Variants in GRID2 observed in about 807,000 individuals in gnomAD.
The protein encoded by GRID2 is glutamate ionotropic receptor delta type subunit 2, also known as glutamate receptor ionotropic, delta-2.
Under a neutral mutation model 114.8 loss-of-function variants are expected in GRID2, and 33 were observed. The observed-to-expected ratio is 0.29, with a 90% CI of 0.22 to 0.38. The LOEUF (loss-of-function observed/expected upper bound fraction) is 0.38, where lower values mean the gene tolerates loss of function less well. Ranked by LOEUF, GRID2 falls within the 10% of genes least tolerant of loss-of-function variation. The probability of loss-of-function intolerance (pLI) is 1.00; values close to 1 mark genes in which losing one functional copy is unlikely to be tolerated. For synonymous variants in GRID2, 505 were observed against 449.9 expected (o/e 1.12, Z -1.55); for missense variants, 1,184 against 1,257.7 (o/e 0.94, Z 0.89).
chr4:93,290,267 G>T (rs1393525152), intron 8 of GRID2, among the ~76,000 whole-genome samples: 1 of 152,170 alleles, frequency 6.6e-6, no homozygotes, highest in African/African-American at 2.4e-5. Flanking sequence ...CCATGTGATT[G>T]CTTATGAGTG....
At chr4:92,885,950 G>T (rs1746338030) in intron 2 of GRID2, among the ~76,000 whole-genome samples, 1 of 152,016 alleles carries the variant, frequency 6.6e-6, no homozygotes, top group African/African-American at 2.4e-5. Context: ...CTATTTCTTT[G>T]TTTTTTAAGA....
chr4:93,099,565 G>T (rs544622434), intron 3 of GRID2, among the ~76,000 whole-genome samples: 1 of 151,346 alleles, frequency 6.6e-6, no homozygotes, highest in Non-Finnish European at 1.5e-5. Context: ...CAGTATGCTG[G>T]GTAGATATGT....
chr4:92,844,529 ACT>A (rs1346594717), intron 2 of GRID2, among the ~76,000 whole-genome samples: 3 of 151,770 alleles, frequency 2.0e-5, no homozygotes, highest in African/African-American at 7.3e-5. Context: ...ACAGAGTGAG[ACT>A]CTGTCTCTAA....
intron 2 of GRID2, among the ~76,000 whole-genome samples, chr4:92,910,001 G>A (rs573297205): frequency 6.6e-6 from 1 of 152,144 alleles, no homozygotes; most frequent in Admixed American, 6.6e-5. Context: ...TGGTATTTTA[G>A]GAGAAACAGG....
At chr4:92,863,470 A>G (rs906972627) in intron 2 of GRID2, among the ~76,000 whole-genome samples, 2 of 152,164 alleles carry the variant, frequency 1.3e-5, no homozygotes, top group Admixed American at 6.6e-5. Context: ...GTGGATATCA[A>G]TAAATGACAA....
intron 1 of GRID2, among the ~76,000 whole-genome samples, chr4:92,531,652 T>C (rs932728340): frequency 6.6e-6 from 1 of 152,076 alleles, no homozygotes; most frequent in Non-Finnish European, 1.5e-5. Flanking sequence ...GGAATGATCA[T>C]GGAGAGAACA....
intron 10 of GRID2, among the ~76,000 whole-genome samples, chr4:93,446,915 A>T (rs1722146920): frequency 6.6e-6 from 1 of 151,590 alleles, no homozygotes; most frequent in Non-Finnish European, 1.5e-5. Flanking sequence ...TGTGTCCTAT[A>T]GACACTGAAG....
intron 2 of GRID2, among the ~76,000 whole-genome samples, chr4:92,943,381 G>A (rs1047868703): frequency 3.3e-5 from 5 of 152,040 alleles, no homozygotes; most frequent in African/African-American, 1.2e-4. Flanking sequence ...CGGCTACTGA[G>A]GCTTGTGCAT....
chr4:93,670,531 T>C (rs1391656345), intron 14 of GRID2, among the ~76,000 whole-genome samples: 1 of 152,196 alleles, frequency 6.6e-6, no homozygotes, highest in Non-Finnish European at 1.5e-5. Context: ...CAATGATTTA[T>C]CAAAACAAAA....
At chr4:93,121,364 A>T (rs1193704124) in intron 4 of GRID2, among the ~76,000 whole-genome samples, 1 of 152,178 alleles carries the variant, frequency 6.6e-6, no homozygotes, top group Non-Finnish European at 1.5e-5. Flanking sequence ...CTGACTTTTA[A>T]CACTATTCAA....
In GRID2 at chr4:92,912,509, A is replaced by T. The variant is rs144836761; in HGVS notation, c.245-172486A>T. Reference sequence around the variant, plus strand: ...TATGTACAGAAAAAAAATGTTTATCATTTAAAAGATACCTTATTCCATAAT... The same window carrying T: ...TATGTACAGAAAAAAAATGTTTATCTTTTAAAAGATACCTTATTCCATAAT... On this transcript the variant is annotated intron_variant, in intron 2 of 15. Transcript: ENST00000282020. Among the ~76,000 whole-genome samples, 595 of 151,972 alleles carry T rather than the reference A, an allele frequency of 3.9e-3. 8 individuals carry two copies. The highest frequency in any genetic ancestry group is 0.014 in the African/African-American group (572 of 41,542).
chr4:93,179,391 C>CAAGTGTCAT (rs1739671237), intron 4 of GRID2, among the ~76,000 whole-genome samples: 1 of 152,070 alleles, frequency 6.6e-6, no homozygotes, highest in Non-Finnish European at 1.5e-5. Flanking sequence ...ATGAAATGTA[C>CAAGTGTCAT]AAGTGTCATT....
chr4:92,511,016 A>G (rs1227665345), intron 1 of GRID2, among the ~76,000 whole-genome samples: 3 of 151,916 alleles, frequency 2.0e-5, no homozygotes, highest in South Asian at 4.1e-4. Context: ...TTGGCTTACC[A>G]TAAGATTTAT....
intron 5 of GRID2, among the ~76,000 whole-genome samples, chr4:93,208,780 AG>A (rs1743107563): frequency 6.6e-6 from 1 of 151,942 alleles, no homozygotes; most frequent in African/African-American, 2.4e-5. Context: ...AAAATAAGAT[AG>A]GTTTTTCTGA....
chr4:93,558,112 C>G (rs1734498044), intron 13 of GRID2, among the ~76,000 whole-genome samples: 1 of 152,104 alleles, frequency 6.6e-6, no homozygotes. Context: ...ATTTATAGCA[C>G]TAAATGCCCA....
chr4:92,328,650 G>T (rs938372114), intron 1 of GRID2, among the ~76,000 whole-genome samples: 3 of 151,714 alleles, frequency 2.0e-5, no homozygotes, highest in African/African-American at 7.3e-5. Flanking sequence ...TTTTATGCCC[G>T]TGATCACAAA....
intron 1 of GRID2, among the ~76,000 whole-genome samples, chr4:92,473,616 A>C (rs540448019): frequency 6.6e-6 from 1 of 152,042 alleles, no homozygotes; most frequent in African/African-American, 2.4e-5. Flanking sequence ...TCAGAATTTT[A>C]TCACTCAGAG....
intron 2 of GRID2, among the ~76,000 whole-genome samples, chr4:92,999,436 G>T (rs1346012031): frequency 6.6e-6 from 1 of 151,582 alleles, no homozygotes; most frequent in Non-Finnish European, 1.5e-5. Flanking sequence ...TGGGATAGTT[G>T]GTCACCCTCT....
At chr4:92,682,774 G>T (rs968266337) in intron 2 of GRID2, among the ~76,000 whole-genome samples, 1 of 151,800 alleles carries the variant, frequency 6.6e-6, no homozygotes, top group Non-Finnish European at 1.5e-5. Flanking sequence ...ATGGTGGAAT[G>T]AAAACTTGGA....
Sources: gnomAD v4.1 joint callset for allele counts (sites outside exome capture counted in the v4.1 genomes callset) on GRCh38, gnomAD v4.1.1 for gene constraint, MANE v1.5 for transcripts, NCBI Gene and HGNC (gene_info 2026-07-23, HGNC 2026-07-21) for gene names.